Variants in ZFP64 observed in about 807,000 individuals in gnomAD.
ZFP64 encodes the protein ZFP64 zinc finger protein, also known as zinc finger protein 64.
In ZFP64, 14 loss-of-function variants were observed where a neutral mutation model predicts 51.6. The ratio of observed to expected loss-of-function variants is 0.27; its 90% CI spans 0.18 to 0.42. ZFP64 has a LOEUF of 0.42. Ranked by LOEUF, ZFP64 falls within the 10% of genes least tolerant of loss-of-function variation. ZFP64 has a pLI of 1.00. For synonymous variants in ZFP64, 375 were observed against 361.4 expected (o/e 1.04, Z -0.43); for missense variants, 754 against 906.8 (o/e 0.83, Z 2.16).
At chr20:52,091,715 C>G (rs966680565) in intron 7 of ZFP64, among the ~76,000 whole-genome samples, 1 of 151,782 alleles carries the variant, frequency 6.6e-6, no homozygotes, top group Non-Finnish European at 1.5e-5. Flanking sequence ...TGGCTGGGCG[C>G]GGTGGCTCAC....
In ZFP64 at chr20:52,176,505, C is replaced by CTTTTTTTTTTTTTTTTTTT. The variant is rs557663780; in HGVS notation, c.286+10326_286+10327insAAAAAAAAAAAAAAAAAAA. Among the ~76,000 whole-genome samples, 29 of 136,722 alleles carry CTTTTTTTTTTTTTTTTTTT rather than the reference C, an allele frequency of 2.1e-4. 2 individuals are homozygous for CTTTTTTTTTTTTTTTTTTT. Among genetic ancestry groups the CTTTTTTTTTTTTTTTTTTT allele is most frequent in the African/African-American group, 7.7e-4 (28 of 36,150 alleles). 89.7% of individuals were successfully genotyped at this position (136,722 alleles called of 152,430 possible). ...ATTTCTAGCTTCTGGTTCAATCTCT[C>CTTTTTTTTTTTTTTTTTTT]TTTTTTTTTTTTTTTGAGACGGAGT... On this transcript the variant is annotated intron_variant, in intron 2 of 5. Coordinates refer to ENST00000216923, the MANE Select transcript of ZFP64 (RefSeq NM_018197.3).
chr20:52,136,196 T>G (rs2122895665), intron 5 of ZFP64, among the ~76,000 whole-genome samples: 1 of 151,634 alleles, frequency 6.6e-6, no homozygotes, highest in South Asian at 2.1e-4. Context: ...TCTCAGATCC[T>G]TAACTTCTAG....
intron 2 of ZFP64, among the ~76,000 whole-genome samples, chr20:52,185,042 G>C (rs6123138): frequency 6.7e-6 from 1 of 150,284 alleles, no homozygotes; most frequent in African/African-American, 2.4e-5. Context: ...TTATTTTTTT[G>C]AGACAGAGTC....
chr20:52,149,451 T>C (rs117413709), downstream of ZFP64, among the ~76,000 whole-genome samples: 991 of 152,236 alleles, frequency 6.5e-3, 4 homozygotes, highest in Non-Finnish European at 0.011. Flanking sequence ...GGACTGTCAA[T>C]AAATGGAATA....
In ZFP64 at chr20:52,085,913, C is replaced by T. The variant is rs1339331704; in HGVS notation, c.1229-647G>A. The stretch of plus-strand genomic sequence containing the variant: ...TTGTTTTTGAGGTTGCTGCTTTAAA[C>T]GTCAGTTGAATATACACAAAGATAA... On this transcript the variant is annotated intron_variant, in intron 8 of 8. Transcript: ENST00000361387. This position sits in a 1 kb window ranked among gnomAD's most constrained non-coding sequence, Gnocchi z 4.3. Among the ~76,000 whole-genome samples the T allele has an allele frequency of 6.6e-6, 1 of 152,136 alleles. No homozygotes were observed. The highest frequency in any genetic ancestry group is 1.5e-5 in the Non-Finnish European group (1 of 68,020).
At chr20:52,170,173 C>T (rs961718684) in intron 2 of ZFP64, among the ~76,000 whole-genome samples, 8 of 149,806 alleles carry the variant, frequency 5.3e-5, no homozygotes, top group African/African-American at 1.7e-4. Flanking sequence ...AGCAAAGGGC[C>T]GGGCGTGGTG....
intron 7 of ZFP64, among the ~76,000 whole-genome samples, chr20:52,089,655 G>C (rs1466096309): frequency 6.6e-6 from 1 of 151,094 alleles, no homozygotes; most frequent in Non-Finnish European, 1.5e-5. Context: ...GAGGTGGGAA[G>C]ATCACCTGAG....
chr20:52,115,354 A>G (rs1429397772), intron 5 of ZFP64, among the ~76,000 whole-genome samples: 1 of 152,056 alleles, frequency 6.6e-6, no homozygotes, highest in Non-Finnish European at 1.5e-5. Flanking sequence ...CAATGGTGAA[A>G]TATATATTCA....
intron 5 of ZFP64, among the ~76,000 whole-genome samples, chr20:52,124,615 ATT>A (rs1015694040): frequency 1.4e-5 from 2 of 142,436 alleles, no homozygotes; most frequent in Non-Finnish European, 1.6e-5. Context: ...TTACTTTATT[ATT>A]TTTTTTTTTT....
intron 2 of ZFP64, among the ~76,000 whole-genome samples, chr20:52,178,079 G>A (rs902394020): frequency 6.6e-6 from 1 of 151,222 alleles, no homozygotes; most frequent in African/African-American, 2.4e-5. Flanking sequence ...AAGAGCAACC[G>A]AAAGCATCTG....
In ZFP64 at chr20:52,181,566, G is replaced by A. The variant is rs187867740; in HGVS notation, c.286+5266C>T. Among the ~76,000 whole-genome samples the A allele has an allele frequency of 1.1e-4, 17 of 152,286 alleles. 1 individual carries two copies. Among genetic ancestry groups the A allele is most frequent in the East Asian group, 7.7e-4 (4 of 5,184 alleles). ...GAGACATAGGAGAAGAGCGAGAAAC[G>A]GTTTGGCTTAAGCAAGGACAAACAA... On this transcript the variant is annotated intron_variant, in intron 2 of 5. Transcript: ENST00000216923.
At chr20:52,116,016 T>C (rs1306913226) in intron 5 of ZFP64, among the ~76,000 whole-genome samples, 1 of 151,544 alleles carries the variant, frequency 6.6e-6, no homozygotes, top group African/African-American at 2.4e-5. Context: ...GTATTTTTAG[T>C]AGAGACAGGG....
At chr20:52,156,298 C>T (rs1981314724) in intron 5 of ZFP64, among the ~76,000 whole-genome samples, 1 of 152,230 alleles carries the variant, frequency 6.6e-6, no homozygotes. Flanking sequence ...TGACAAAAGC[C>T]TCAACCATGT....
Position 52,160,463 on chromosome 20 carries a change from T to C in ZFP64, c.512-89A>G, listed in dbSNP as rs1026665555. The C allele has an allele frequency of 6.7e-7, 1 of 1,495,250 alleles. No individual in the cohort carries two copies. The highest frequency in any genetic ancestry group is 8.9e-7 in the Non-Finnish European group (1 of 1,123,406). 92.6% of individuals were successfully genotyped at this position (1,495,250 alleles called of 1,614,324 possible). ...TCCCACTGCCTTACGAAAAAAGTCA[T>C]ATACAACCACCGAAGAATATTCCAA... On this transcript the variant is annotated intron_variant, in intron 4 of 5. Transcript: ENST00000216923. This position sits in a 1 kb window ranked among gnomAD's most constrained non-coding sequence, Gnocchi z 4.2.
downstream of ZFP64, among the ~76,000 whole-genome samples, chr20:52,150,402 TA>T (rs1787304303): frequency 2.0e-5 from 3 of 152,056 alleles, no homozygotes; most frequent in Non-Finnish European, 2.9e-5. Context: ...GAGAAAGACA[TA>T]GGAAATAGGA....
At chr20:52,102,424 GCT>G (rs950434322) in intron 5 of ZFP64, among the ~76,000 whole-genome samples, 1 of 152,070 alleles carries the variant, frequency 6.6e-6, no homozygotes, top group African/African-American at 2.4e-5. Flanking sequence ...TGAGTCTCTT[GCT>G]CTGTGAGCAA....
At chr20:52,104,010 G>A (rs1416720976) in intron 5 of ZFP64, among the ~76,000 whole-genome samples, 3 of 152,234 alleles carry the variant, frequency 2.0e-5, no homozygotes, top group Non-Finnish European at 4.4e-5. Context: ...CCGCCCCGGA[G>A]AGGGGACCCA....
In ZFP64 at chr20:52,128,226, G is replaced by C. The variant is rs563826891; in HGVS notation, c.764-29639C>G. On this transcript the variant is annotated intron_variant, in intron 5 of 8. Coordinates refer to the ZFP64 transcript ENST00000361387. ...GGCCAAGGCAGGAGGATTGTTTGAG[G>C]CCAAGAGTTTGAGACCAGCCTGGGC... Among the ~76,000 whole-genome samples, 276 of 152,244 alleles carry C rather than the reference G, an allele frequency of 1.8e-3. 1 individual carries two copies. Among genetic ancestry groups the C allele is most frequent in the Non-Finnish European group, 3.5e-3 (236 of 68,034 alleles).
intron 5 of ZFP64, among the ~76,000 whole-genome samples, chr20:52,125,921 A>T (rs986387390): frequency 3.1e-4 from 47 of 151,848 alleles, no homozygotes; most frequent in African/African-American, 9.7e-4. Context: ...TCACTGTGTC[A>T]CCCAGGCTGG....
Sources: gnomAD v4.1 joint callset for allele counts (sites outside exome capture counted in the v4.1 genomes callset) on GRCh38, gnomAD v4.1.1 for gene constraint, Gnocchi (gnomAD v3.1) non-coding constraint, MANE v1.5 for transcripts, NCBI Gene and HGNC (gene_info 2026-07-23, HGNC 2026-07-21) for gene names.